The following ANTXR2 variants were observed in gnomAD, a reference collection of about 807,000 sequenced individuals.
ANTXR2 encodes ANTXR cell adhesion molecule 2.
In ANTXR2, 44 loss-of-function variants were observed where a neutral mutation model predicts 73.7. The ratio of observed to expected loss-of-function variants is 0.60; its 90% CI spans 0.47 to 0.77. The LOEUF is 0.77. Among genes scored for constraint, ANTXR2 ranks in the 30% least tolerant of loss-of-function variants. The pLI, the probability that ANTXR2 is intolerant of heterozygous loss-of-function variation, is 0.00. For synonymous variants in ANTXR2, 217 were observed against 205.9 expected, an observed-to-expected ratio of 1.05 and a Z score of -0.46; for missense variants, 604 against 592.5, an observed-to-expected ratio of 1.02 and a Z score of -0.20.
chr4:79,967,073 G>A lies in ANTXR2; in HGVS notation c.1428+10548C>T, dbSNP rs1255571731. Among the ~76,000 whole-genome samples, 8 of 71,822 alleles carry A rather than the reference G, an allele frequency of 1.1e-4. 3 individuals carry two copies. Among genetic ancestry groups the A allele is most frequent in the Non-Finnish European group, 2.0e-4 (6 of 29,566 alleles). The allele number at this position is 71,822 out of a possible 152,430, so 47.1% of individuals were successfully genotyped here. A position where few individuals can be genotyped will look rare whatever the true frequency, so the allele number is the denominator to read the frequency against. ...GCCAGTGTGTGTGCGCACCGTGCGC[G>A]AGCCGAAGCAGGGCGAGGAATTGCC... On this transcript the variant is annotated intron_variant, in intron 16 of 16. Coordinates refer to ENST00000403729, the MANE Select transcript of ANTXR2 (RefSeq NM_058172.6).
At chr4:80,060,349 C>G (rs764801749) in intron 3 of ANTXR2, among the ~76,000 whole-genome samples, 1 of 152,144 alleles carries the variant, frequency 6.6e-6, no homozygotes, top group East Asian at 1.9e-4. Flanking sequence ...TATTCTAATG[C>G]GCTGCCAGGA....
chr4:80,006,655 G>T (rs1265301828), intron 12 of ANTXR2, among the ~76,000 whole-genome samples: 2 of 152,096 alleles, frequency 1.3e-5, no homozygotes, highest in Admixed American at 6.6e-5. Context: ...GATCTGTAGA[G>T]TCCAAGGCTT....
intron 11 of ANTXR2, among the ~76,000 whole-genome samples, chr4:80,015,525 A>T (rs746802677): frequency 1.3e-5 from 2 of 152,078 alleles, no homozygotes; most frequent in Non-Finnish European, 2.9e-5. Context: ...TACTAATTTA[A>T]TCTTCCCAAA....
rs1726739801 is a variant in ANTXR2 at position 79,902,375 on chromosome 4, G to T, written c.*5054C>A. 1 of 152,094 alleles carries T rather than the reference G, an allele frequency of 6.6e-6. No individual in the cohort carries two copies. Among genetic ancestry groups the T allele is most frequent in the Non-Finnish European group, 1.5e-5 (1 of 67,974 alleles). 9.4% of individuals were successfully genotyped at this position (152,094 alleles called of 1,614,324 possible). Reference sequence around the variant, plus strand: ...TATTTTCCACTGAATACTTGCTATGGGTAGCACAGGCATAGTAACTGTCAA... The same window carrying T: ...TATTTTCCACTGAATACTTGCTATGTGTAGCACAGGCATAGTAACTGTCAA... On this transcript the variant is annotated 3_prime_UTR_variant, in exon 17 of 17. Transcript: ENST00000403729.
At chr4:80,051,762 C>A (rs951396180) in intron 7 of ANTXR2, among the ~76,000 whole-genome samples, 3 of 151,546 alleles carry the variant, frequency 2.0e-5, no homozygotes, top group African/African-American at 4.8e-5. Flanking sequence ...GTTGTAAAAG[C>A]AGAACTACTA....
chr4:79,944,697 A>C (rs1728451080), intron 16 of ANTXR2, among the ~76,000 whole-genome samples: 2 of 152,128 alleles, frequency 1.3e-5, no homozygotes, highest in East Asian at 3.8e-4. Flanking sequence ...GTTTGGTACA[A>C]CATGCTTTGT....
In ANTXR2 at chr4:80,054,278, A is replaced by G. The variant is rs199624062; in HGVS notation, c.630T>C (p.Ile210=). The change falls in exon 7 of 17, where the codon ATT becomes ATC. Residue 210 remains isoleucine (I), a synonymous_variant. Coordinates refer to ENST00000403729, the MANE Select transcript of ANTXR2 (RefSeq NM_058172.6). The stretch of plus-strand genomic sequence containing the variant: ...CCCCCAGAGAAATACTCACAGAATT[A>G]ATTATTCCTTTAAGAGCCTGAAATC... ...KGGFQALKGI[I]NSILAQSCTE... is the part of the protein sequence containing the mutation. 4 of 1,595,806 alleles carry G rather than the reference A, an allele frequency of 2.5e-6. No individual in the cohort carries two copies. In the African/African-American group the frequency reaches 4.1e-5, roughly 16 times the overall value.
chr4:80,046,367 G>C (rs1271835265), intron 7 of ANTXR2, among the ~76,000 whole-genome samples: 1 of 151,596 alleles, frequency 6.6e-6, no homozygotes, highest in Non-Finnish European at 1.5e-5. Flanking sequence ...TTTTGGTTTT[G>C]CTGTTGTCGT....
rs140945020 is a variant in ANTXR2 at position 80,023,645 on chromosome 4, G to A, written c.867-4669C>T. On this transcript the variant is annotated intron_variant, in intron 10 of 16. Transcript: ENST00000403729. ...CATTAGCAAAGTTTTCCTGCAGGAAGTCGACTACAGGATGAAGCTTAAAGA... is the reference window on the plus strand; with the variant it reads ...CATTAGCAAAGTTTTCCTGCAGGAAATCGACTACAGGATGAAGCTTAAAGA... Among the ~76,000 whole-genome samples the A allele has an allele frequency of 1.2e-4, 18 of 152,330 alleles. No individual in the cohort carries two copies. The East Asian group carries it at 2.9e-3, about 24-fold the overall frequency.
intron 7 of ANTXR2, among the ~76,000 whole-genome samples, chr4:80,040,077 G>T (rs1441129669): frequency 6.6e-6 from 1 of 151,858 alleles, no homozygotes; most frequent in Non-Finnish European, 1.5e-5. Context: ...GGTACTCATG[G>T]ACGTAAAGAT....
In ANTXR2 at chr4:79,977,818, A is replaced by G. The variant is rs531544662; in HGVS notation, c.1348-117T>C. Reference sequence around the variant, plus strand: ...CTTCTTTACCCTCATTTCTTTCATAAGGTAAACTAATAAGTAATAAAAACC... The same window carrying G: ...CTTCTTTACCCTCATTTCTTTCATAGGGTAAACTAATAAGTAATAAAAACC... On this transcript the variant is annotated intron_variant, in intron 15 of 16. Coordinates refer to ENST00000403729, the MANE Select transcript of ANTXR2 (RefSeq NM_058172.6). The G allele has an allele frequency of 5.3e-5, 67 of 1,257,480 alleles. 1 individual carries two copies. In the South Asian group the frequency reaches 9.5e-4, roughly 18 times the overall value. 77.9% of individuals were successfully genotyped at this position (1,257,480 alleles called of 1,614,324 possible). A position where few individuals can be genotyped will look rare whatever the true frequency, so the allele number is the denominator to read the frequency against.
At chr4:79,980,921 T>TAAAAAAAAAAAAA (rs11397721) in intron 14 of ANTXR2, among the ~76,000 whole-genome samples, 2 of 137,564 alleles carry the variant, frequency 1.5e-5, no homozygotes, top group African/African-American at 5.5e-5. Context: ...TTAAGGGCTT[T>TAAAAAAAAAAAAA]AAAAAAAAAA....
At chr4:79,974,896 A>C (rs1005717955) in intron 16 of ANTXR2, among the ~76,000 whole-genome samples, 3 of 152,202 alleles carry the variant, frequency 2.0e-5, no homozygotes, top group Non-Finnish European at 4.4e-5. Context: ...ATATTATAGC[A>C]TTATAATTTA....
chr4:80,037,040 C>G (rs1418791046), intron 7 of ANTXR2, among the ~76,000 whole-genome samples: 2 of 152,080 alleles, frequency 1.3e-5, no homozygotes, highest in Non-Finnish European at 2.9e-5. Context: ...AAACAGAAAC[C>G]ACCACACAAG....
chr4:80,069,421 T>A lies in ANTXR2; in HGVS notation c.296+15A>T. 1 of 1,560,718 alleles carries A rather than the reference T, an allele frequency of 6.4e-7. No individual in the cohort carries two copies. Among genetic ancestry groups the A allele is most frequent in the Non-Finnish European group, 8.8e-7 (1 of 1,137,920 alleles). ...TCTCTACTAAAAGCCTGCAGTGAAATGATAATGCACTAACCTGTCTCCAGT... is the reference window on the plus strand; with the variant it reads ...TCTCTACTAAAAGCCTGCAGTGAAAAGATAATGCACTAACCTGTCTCCAGT... On this transcript the variant is annotated intron_variant, in intron 3 of 16. Coordinates refer to ENST00000403729, the MANE Select transcript of ANTXR2 (RefSeq NM_058172.6).
chr4:80,003,862 TA>T (rs1167972521), intron 12 of ANTXR2, among the ~76,000 whole-genome samples: 1 of 152,070 alleles, frequency 6.6e-6, no homozygotes, highest in African/African-American at 2.4e-5. Context: ...CAGTTTCCCA[TA>T]AAACTAGATA....
intron 3 of ANTXR2, among the ~76,000 whole-genome samples, chr4:80,065,716 T>A (rs1734465478): frequency 6.6e-6 from 1 of 152,244 alleles, no homozygotes; most frequent in Non-Finnish European, 1.5e-5. Flanking sequence ...GGTAAGTATT[T>A]ACTACCTTCT....
At chr4:79,994,107 C>T (rs182606491) in intron 12 of ANTXR2, among the ~76,000 whole-genome samples, 76 of 152,064 alleles carry the variant, frequency 5.0e-4, no homozygotes, top group African/African-American at 1.7e-3. Context: ...AATACATTCA[C>T]AAAATTTATT....
At chr4:79,996,835 T>C (rs1247457546) in intron 12 of ANTXR2, among the ~76,000 whole-genome samples, 1 of 152,002 alleles carries the variant, frequency 6.6e-6, no homozygotes, top group African/African-American at 2.4e-5. Flanking sequence ...AATTTGCAGA[T>C]TTTAAAAGGC....
Sources: gnomAD v4.1 joint callset for allele counts (sites outside exome capture counted in the v4.1 genomes callset) on GRCh38, gnomAD v4.1.1 for gene constraint, MANE v1.5 for transcripts, NCBI Gene and HGNC (gene_info 2026-07-23, HGNC 2026-07-21) for gene names.